Variants in PPFIA2 observed in about 807,000 individuals in gnomAD.
PPFIA2 encodes liprin-alpha-2.
PPFIA2 carries 46 observed loss-of-function variants against 175.5 expected under a neutral mutation model. That is an observed-to-expected ratio of 0.26 (90% CI 0.21 to 0.34). PPFIA2 has a LOEUF of 0.34. Ranked by LOEUF, PPFIA2 falls within the 10% of genes least tolerant of loss-of-function variation. The probability of loss-of-function intolerance (pLI) is 1.00; values close to 1 mark genes in which losing one functional copy is unlikely to be tolerated. For synonymous variants in PPFIA2, 568 were observed against 511.4 expected, an observed-to-expected ratio of 1.11 and a Z score of -1.49; for missense variants, 1,179 against 1,506.1, an observed-to-expected ratio of 0.78 and a Z score of 3.60.
At chr12:81,508,238 G>A (rs2061388397) in intron 4 of PPFIA2, among the ~76,000 whole-genome samples, 1 of 151,844 alleles carries the variant, frequency 6.6e-6, no homozygotes, top group Non-Finnish European at 1.5e-5. Context: ...AGAGCTTTGT[G>A]GGGCCGGGCA....
At chr12:81,724,947 C>G (rs1170365519) in intron 3 of PPFIA2, among the ~76,000 whole-genome samples, 1 of 151,008 alleles carries the variant, frequency 6.6e-6, no homozygotes, top group African/African-American at 2.4e-5. Context: ...TTCCCATGAA[C>G]AGTGTATAAT....
chr12:81,675,063 CG>C (rs901554811), intron 4 of PPFIA2, among the ~76,000 whole-genome samples: 144 of 151,882 alleles, frequency 9.5e-4, no homozygotes, highest in East Asian at 7.8e-4. Flanking sequence ...CTTCAGAAAA[CG>C]TAAGTATAAA....
chr12:81,477,457 G>GA (rs1203633006), intron 4 of PPFIA2, among the ~76,000 whole-genome samples: 2 of 152,148 alleles, frequency 1.3e-5, no homozygotes, highest in Non-Finnish European at 2.9e-5. Flanking sequence ...GGCCATGTGT[G>GA]AAAATCTGTG....
chr12:81,366,208 A>C (rs1049729376), intron 14 of PPFIA2, among the ~76,000 whole-genome samples: 1 of 151,534 alleles, frequency 6.6e-6, no homozygotes, highest in African/African-American at 2.4e-5. Context: ...TCTTTAAAAA[A>C]ATAAGATAAA....
At chr12:81,742,583 C>T (rs960024988) in intron 3 of PPFIA2, among the ~76,000 whole-genome samples, 3 of 152,084 alleles carry the variant, frequency 2.0e-5, no homozygotes, top group South Asian at 4.1e-4. Context: ...GTTTTGTACA[C>T]GTTAGACAAT....
chr12:81,569,056 C>T (rs1189037477), intron 4 of PPFIA2, among the ~76,000 whole-genome samples: 1 of 152,008 alleles, frequency 6.6e-6, no homozygotes, highest in Non-Finnish European at 1.5e-5. Flanking sequence ...CAGCTAAAGA[C>T]AAAACAGTAT....
At chr12:81,611,128 C>G (rs2060860821) in intron 4 of PPFIA2, among the ~76,000 whole-genome samples, 1 of 152,150 alleles carries the variant, frequency 6.6e-6, no homozygotes, top group African/African-American at 2.4e-5. Context: ...GGCTCGCTCA[C>G]CATGTCTGCT....
At position 81,448,717 on chromosome 12, in the gene PPFIA2, ACTT is replaced by A. The variant is rs2051815444; in HGVS notation, c.406-3000_406-2998del. ...CATGTCCCCACAACAGGGGTTTTGT[ACTT>A]CTTCTTTTCTCTAACTAAAACATTC... On this transcript the variant is annotated intron_variant, in intron 5 of 32. Coordinates refer to ENST00000549396, the MANE Select transcript of PPFIA2 (RefSeq NM_003625.5). 7.2e-5 allele frequency among the ~76,000 whole-genome samples: 11 copies of A among 152,184 alleles called. No individual in the cohort carries two copies. In the South Asian group the frequency reaches 2.3e-3, roughly 32 times the overall value.
rs3075419 is a variant in PPFIA2, at chr12:81,493,730, TTGTGTGTG to T, written c.304-35872_304-35865del. 4.9e-5 allele frequency among the ~76,000 whole-genome samples: 6 copies of T among 122,334 alleles called. No individual in the cohort carries two copies. The South Asian group carries it at 1.6e-3, about 32-fold the overall frequency. The allele number at this position is 122,334 out of a possible 152,430, so 80.3% of individuals were successfully genotyped here. On this transcript the variant is annotated intron_variant, in intron 4 of 32. Transcript: ENST00000549396. ...AGCACAGATGGAATTGAGTGTGTGT[TTGTGTGTG>T]TGTGTGTGTGTGTGTCTATATATAT... is the stretch of plus-strand genomic sequence containing the variant.
chr12:81,642,633 C>CTATTATATACATAATGTATGTATA (rs2065136781), intron 4 of PPFIA2, among the ~76,000 whole-genome samples: 15 of 20,228 alleles, frequency 7.4e-4, no homozygotes, highest in Admixed American at 1.3e-3. Flanking sequence ...TACTATATAT[C>CTATTATATACATAATGTATGTATA]TATTATATAC....
intron 4 of PPFIA2, among the ~76,000 whole-genome samples, chr12:81,606,527 T>C (rs1220881841): frequency 2.6e-5 from 4 of 152,136 alleles, no homozygotes; most frequent in Non-Finnish European, 4.4e-5. Flanking sequence ...TGGTGTGAGA[T>C]AGTATCTCAT....
intron 4 of PPFIA2, among the ~76,000 whole-genome samples, chr12:81,576,115 T>A (rs767833945): frequency 1.3e-5 from 2 of 151,450 alleles, no homozygotes; most frequent in Non-Finnish European, 3.0e-5. Context: ...TTAAGTTCCC[T>A]TACAATTGAA....
Position 81,339,350 on chromosome 12 carries a change from G to A in PPFIA2, c.2394-16C>T, listed in dbSNP as rs1423271283. 3 of 1,549,122 alleles carry A rather than the reference G, an allele frequency of 1.9e-6. No individual in the cohort carries two copies. The highest frequency in any genetic ancestry group is 2.6e-6 in the Non-Finnish European group (3 of 1,151,600). ...AGATAAACTACTGCAAAACACAAAA[G>A]AGGAAAATACATGCAACATCCACAA... On this transcript the variant is annotated splice_polypyrimidine_tract_variant and intron_variant, in intron 20 of 32. Coordinates refer to ENST00000549396, the MANE Select transcript of PPFIA2 (RefSeq NM_003625.5).
intron 3 of PPFIA2, among the ~76,000 whole-genome samples, chr12:81,690,408 A>G (rs2075086932): frequency 2.6e-5 from 4 of 152,060 alleles, no homozygotes; most frequent in Non-Finnish European, 5.9e-5. Context: ...TTCTTCATGG[A>G]AAGTATACTG....
intron 4 of PPFIA2, among the ~76,000 whole-genome samples, chr12:81,575,770 T>C (rs73362519): frequency 0.016 from 2,355 of 151,790 alleles, 66 homozygotes; most frequent in African/African-American, 0.054. Context: ...CATATGTAAG[T>C]ATCACGAAAT....
chr12:81,439,912 A>G, intron 7 of PPFIA2, 60 bp downstream of exon 7: 1 of 1,314,180 alleles, frequency 7.6e-7, no homozygotes, highest in Non-Finnish European at 1.1e-6. Flanking sequence ...GACGTGAAAC[A>G]CAAGGGATGT....
intron 24 of PPFIA2, among the ~76,000 whole-genome samples, chr12:81,293,474 A>G (rs10862284): frequency 0.52 from 79,597 of 151,840 alleles, 21,466 homozygotes; most frequent in East Asian, 0.87. Flanking sequence ...TCATAATTAC[A>G]GAAACTTCTT....
chr12:81,618,619 C>T (rs1015900981), intron 4 of PPFIA2, among the ~76,000 whole-genome samples: 1 of 150,402 alleles, frequency 6.6e-6, no homozygotes, highest in African/African-American at 2.5e-5. Flanking sequence ...AGCTCCGCCT[C>T]CCAGGTTCAC....
intron 4 of PPFIA2, among the ~76,000 whole-genome samples, chr12:81,547,799 A>G (rs992881961): frequency 6.6e-6 from 1 of 152,190 alleles, no homozygotes; most frequent in Non-Finnish European, 1.5e-5. Context: ...CATAACCAGT[A>G]CCTAGAAAAT....
Sources: allele counts gnomAD v4.1 joint callset (sites outside exome capture counted in the v4.1 genomes callset), GRCh38; gene constraint gnomAD v4.1.1; transcripts MANE v1.5; gene names NCBI Gene and HGNC (gene_info 2026-07-23, HGNC 2026-07-21).